GRIA4: variants seen among roughly 807,000 people sequenced by gnomAD.
The protein encoded by GRIA4 is glutamate receptor 4.
GRIA4 carries 34 observed loss-of-function variants against 104.0 expected under a neutral mutation model. The observed-to-expected ratio is 0.33, with a 90% CI of 0.25 to 0.44. GRIA4 has a LOEUF of 0.44. Ranked by LOEUF, GRIA4 falls within the 20% of genes least tolerant of loss-of-function variation. The pLI is 1.00. For synonymous variants in GRIA4, 386 were observed against 381.9 expected (o/e 1.01, Z -0.13); for missense variants, 750 against 1,096.5 (o/e 0.68, Z 4.46).
intron 14 of GRIA4, among the ~76,000 whole-genome samples, chr11:105,936,789 AC>A (rs1200388156): frequency 1.3e-5 from 2 of 152,212 alleles, no homozygotes; most frequent in Non-Finnish European, 2.9e-5. Flanking sequence ...CTGTAACTGG[AC>A]TGAAAAATAT....
chr11:105,612,358 G>T lies in GRIA4; in HGVS notation c.171G>T (p.Ala57=). ...TTCTTCATAACACCAGCCCCAATGC[G>T]TCGGAAGCTCCTTTTAATTTGGTAC... ...AIFLHNTSPN[A]SEAPFNLVPH... Residue 57 remains alanine (A), a synonymous_variant, in exon 3 of 17, where the codon GCG becomes GCT. Coordinates refer to ENST00000282499, the MANE Select transcript of GRIA4 (RefSeq NM_000829.4). 1 of 1,614,062 alleles carries T rather than the reference G, an allele frequency of 6.2e-7. No homozygotes were observed. Among genetic ancestry groups the T allele is most frequent in the Non-Finnish European group, 8.5e-7 (1 of 1,179,924 alleles).
intron 3 of GRIA4, among the ~76,000 whole-genome samples, chr11:105,639,407 T>C (rs1027370242): frequency 2.0e-5 from 3 of 152,054 alleles, no homozygotes; most frequent in African/African-American, 7.2e-5. Flanking sequence ...TCTCTTGCCA[T>C]ATGAAGATCT....
intron 4 of GRIA4, among the ~76,000 whole-genome samples, chr11:105,833,551 T>C (rs996005428): frequency 6.6e-6 from 1 of 152,054 alleles, no homozygotes; most frequent in Non-Finnish European, 1.5e-5. Context: ...GTATTCTACC[T>C]GAATTTATTA....
chr11:105,740,338 C>T (rs190908291), intron 3 of GRIA4, among the ~76,000 whole-genome samples: 1 of 152,264 alleles, frequency 6.6e-6, no homozygotes, highest in Admixed American at 6.5e-5. Flanking sequence ...ACTTAACTGC[C>T]AGGGTCAACT....
intron 3 of GRIA4, among the ~76,000 whole-genome samples, chr11:105,634,300 C>G (rs1403079499): frequency 6.8e-6 from 1 of 146,548 alleles, no homozygotes. Flanking sequence ...TGAGCCAGGA[C>G]TGTGCTATTG....
At position 105,743,298 on chromosome 11, in the gene GRIA4, A is replaced by T. The variant is rs372050199; in HGVS notation, c.248-9683A>T. ...AATAACCATTCAAATGTTAACAACA[A>T]CCTGATAAAGTCTCCCAGACAACTC... is the stretch of plus-strand genomic sequence containing the variant. On this transcript the variant is annotated intron_variant, in intron 3 of 16. Transcript: ENST00000282499. 5.9e-5 allele frequency among the ~76,000 whole-genome samples: 9 copies of T among 152,296 alleles called. No individual in the cohort carries two copies. The East Asian group carries it at 1.4e-3, about 23-fold the overall frequency.
At chr11:105,683,929 CA>C (rs1163565272) in intron 3 of GRIA4, among the ~76,000 whole-genome samples, 2 of 151,776 alleles carry the variant, frequency 1.3e-5, no homozygotes, top group African/African-American at 4.8e-5. Flanking sequence ...GGCTGGAGTG[CA>C]ATGGCGCCAT....
At chr11:105,898,850 C>CA (rs11437607) in intron 7 of GRIA4, among the ~76,000 whole-genome samples, 27,505 of 151,936 alleles carry the variant, frequency 0.18, 2,625 homozygotes, top group Admixed American at 0.24. Flanking sequence ...TTCAAATTAA[C>CA]GTGAAAAATC....
chr11:105,731,451 T>A (rs1938581745), intron 3 of GRIA4, among the ~76,000 whole-genome samples: 3 of 152,112 alleles, frequency 2.0e-5, no homozygotes, highest in Non-Finnish European at 4.4e-5. Context: ...GTTCAACCAT[T>A]GTGGAAGGCA....
At chr11:105,631,038 C>T (rs1007940858) in intron 3 of GRIA4, among the ~76,000 whole-genome samples, 1 of 152,182 alleles carries the variant, frequency 6.6e-6, no homozygotes, top group African/African-American at 2.4e-5. Flanking sequence ...CTCACTTCTA[C>T]TCCCCACCTT....
At chr11:105,830,520 T>C (rs1358560325) in intron 4 of GRIA4, among the ~76,000 whole-genome samples, 1 of 152,018 alleles carries the variant, frequency 6.6e-6, no homozygotes, top group Non-Finnish European at 1.5e-5. Context: ...ATAGCCCCTA[T>C]AGAGTTGATG....
chr11:105,900,290 C>T (rs557265487), intron 7 of GRIA4, among the ~76,000 whole-genome samples: 2 of 152,126 alleles, frequency 1.3e-5, no homozygotes, highest in Non-Finnish European at 2.9e-5. Flanking sequence ...AGATTAAAAG[C>T]ATGACTTCTG....
At chr11:105,863,161 G>T (rs886302036) in intron 5 of GRIA4, among the ~76,000 whole-genome samples, 2 of 152,102 alleles carry the variant, frequency 1.3e-5, no homozygotes, top group African/African-American at 4.8e-5. Flanking sequence ...GTATTCAATT[G>T]TAAGAATGAA....
intron 14 of GRIA4, among the ~76,000 whole-genome samples, chr11:105,965,262 G>A (rs1006624285): frequency 6.0e-5 from 9 of 150,466 alleles, no homozygotes; most frequent in Non-Finnish European, 1.2e-4. Context: ...TACTTAAACC[G>A]TCAAATTGGA....
At chr11:105,725,999 GT>G (rs1241948950) in intron 3 of GRIA4, among the ~76,000 whole-genome samples, 1 of 152,016 alleles carries the variant, frequency 6.6e-6, no homozygotes, top group African/African-American at 2.4e-5. Flanking sequence ...AGCTGCAGGA[GT>G]TTTTTTTCAT....
At chr11:105,627,565 G>A (rs1399237874) in intron 3 of GRIA4, among the ~76,000 whole-genome samples, 7 of 152,122 alleles carry the variant, frequency 4.6e-5, no homozygotes, top group African/African-American at 1.7e-4. Flanking sequence ...CCGTTTCCTA[G>A]ACAAGGAATG....
chr11:105,766,583 G>A (rs1018320737), intron 4 of GRIA4, among the ~76,000 whole-genome samples: 2 of 152,020 alleles, frequency 1.3e-5, no homozygotes. Context: ...TGTGTATATG[G>A]CTTAGTTTTG....
intron 5 of GRIA4, among the ~76,000 whole-genome samples, chr11:105,872,566 C>A (rs577482755): frequency 6.6e-6 from 1 of 152,174 alleles, no homozygotes; most frequent in South Asian, 2.1e-4. Context: ...AAGTATTCCT[C>A]CCTAATGATA....
intron 8 of GRIA4, among the ~76,000 whole-genome samples, chr11:105,904,200 T>A (rs541558666): frequency 6.8e-4 from 103 of 152,324 alleles, no homozygotes; most frequent in African/African-American, 2.4e-3. Flanking sequence ...TAGGTTATGT[T>A]GCAGTAATAA....
Sources: allele counts gnomAD v4.1 joint callset (sites outside exome capture counted in the v4.1 genomes callset), GRCh38; gene constraint gnomAD v4.1.1; transcripts MANE v1.5; gene names NCBI Gene and HGNC (gene_info 2026-07-23, HGNC 2026-07-21).